Variants in CSMD1 observed in about 807,000 individuals in gnomAD.
The protein encoded by CSMD1 is CUB and Sushi multiple domains 1.
A neutral mutation model predicts 417.5 loss-of-function variants in CSMD1; 213 were observed. The ratio of observed to expected loss-of-function variants is 0.51; its 90% confidence interval spans 0.46 to 0.57. CSMD1 has a LOEUF of 0.57. Among genes scored for constraint, CSMD1 ranks in the 20% least tolerant of loss-of-function variants. The probability of loss-of-function intolerance (pLI) is 0.00; values close to 1 mark genes in which losing one functional copy is unlikely to be tolerated. For synonymous variants in CSMD1, 2,862 were observed against 1,736.8 expected, an observed-to-expected ratio of 1.65 and a Z score of -16.11; for missense variants, 6,923 against 4,529.7, an observed-to-expected ratio of 1.53 and a Z score of -15.17.
chr8:4,206,934 C>G (rs1056820373), intron 3 of CSMD1, among the ~76,000 whole-genome samples: 5 of 152,096 alleles, frequency 3.3e-5, no homozygotes, highest in Non-Finnish European at 5.9e-5. Flanking sequence ...TTGCCCTCCT[C>G]TTTGAATGGA....
intron 1 of CSMD1, among the ~76,000 whole-genome samples, chr8:4,703,705 A>T (rs1807732770): frequency 6.6e-6 from 1 of 152,184 alleles, no homozygotes. Context: ...ACCTTGAATT[A>T]AAAGATTTTC....
intron 57 of CSMD1, among the ~76,000 whole-genome samples, chr8:2,972,330 T>G (rs987671645): frequency 6.6e-6 from 1 of 152,230 alleles, no homozygotes; most frequent in Non-Finnish European, 1.5e-5. Context: ...GGTTGGAAAG[T>G]GTTTCATACA....
intron 2 of CSMD1, among the ~76,000 whole-genome samples, chr8:4,484,980 C>CAAAAAAAAAAAAAAAAAAAAAAAA (rs57398278): frequency 7.4e-5 from 4 of 53,940 alleles, no homozygotes; most frequent in East Asian, 7.9e-4. Flanking sequence ...GACTCTGCCT[C>CAAAAAAAAAAAAAAAAAAAAAAAA]AAAAAAAAAA....
At chr8:4,456,147 CAG>C (rs1289700386) in intron 2 of CSMD1, among the ~76,000 whole-genome samples, 1 of 148,436 alleles carries the variant, frequency 6.7e-6, no homozygotes, top group African/African-American at 2.5e-5. Flanking sequence ...AGAGGGTTAA[CAG>C]AGAGTGGTCC....
At chr8:4,761,755 G>T (rs751053017) in intron 1 of CSMD1, among the ~76,000 whole-genome samples, 2 of 151,964 alleles carry the variant, frequency 1.3e-5, no homozygotes, top group Non-Finnish European at 2.9e-5. Flanking sequence ...TTTAACTACT[G>T]AGCATGTAAC....
At chr8:3,667,525 G>C (rs914522492) in intron 7 of CSMD1, among the ~76,000 whole-genome samples, 1 of 152,100 alleles carries the variant, frequency 6.6e-6, no homozygotes, top group African/African-American at 2.4e-5. Flanking sequence ...GGGAGCTGTT[G>C]GGATGAGGTC....
intron 3 of CSMD1, among the ~76,000 whole-genome samples, chr8:4,219,674 T>A (rs571977916): frequency 6.6e-6 from 1 of 152,348 alleles, no homozygotes; most frequent in African/African-American, 2.4e-5. Flanking sequence ...ATTTGGATAA[T>A]ACTGCTACAC....
At chr8:3,004,401 G>C (rs1432287129) in intron 52 of CSMD1, among the ~76,000 whole-genome samples, 7 of 152,140 alleles carry the variant, frequency 4.6e-5, no homozygotes, top group African/African-American at 1.4e-4. Context: ...TTAAAGTGTG[G>C]AAGGAAAACC....
intron 11 of CSMD1, among the ~76,000 whole-genome samples, chr8:3,474,591 T>C (rs1817301317): frequency 6.6e-6 from 1 of 152,198 alleles, no homozygotes; most frequent in South Asian, 2.1e-4. Context: ...ATGCAGAAGT[T>C]TGGTCTTGCT....
intron 5 of CSMD1, among the ~76,000 whole-genome samples, chr8:3,932,012 A>G (rs992969467): frequency 6.7e-6 from 1 of 149,870 alleles, no homozygotes; most frequent in Non-Finnish European, 1.5e-5. Context: ...GGAAAGGAGA[A>G]AACAATAATT....
chr8:4,420,098 A>G (rs550148254), intron 2 of CSMD1, 33 bp from the exon 3 acceptor site: 2 of 1,465,290 alleles, frequency 1.4e-6, no homozygotes, highest in Non-Finnish European at 1.9e-6. Context: ...AAAGAGAGTT[A>G]AAAGCATGAA....
At chr8:3,438,173 A>T (rs529837793) in intron 12 of CSMD1, among the ~76,000 whole-genome samples, 122 of 152,298 alleles carry the variant, frequency 8.0e-4, no homozygotes, top group Admixed American at 2.0e-3. Context: ...TTTTTAACAA[A>T]TTTTTGAATT....
At chr8:4,516,205 AC>A (rs1803113683) in intron 2 of CSMD1, among the ~76,000 whole-genome samples, 1 of 152,148 alleles carries the variant, frequency 6.6e-6, no homozygotes, top group African/African-American at 2.4e-5. Flanking sequence ...GAACCCAGAC[AC>A]ACACAGAGGG....
intron 12 of CSMD1, among the ~76,000 whole-genome samples, chr8:3,421,420 G>T (rs1390861875): frequency 6.6e-6 from 1 of 152,174 alleles, no homozygotes; most frequent in Non-Finnish European, 1.5e-5. Context: ...ACAATCCCAG[G>T]TTGTGATTAA....
At chr8:3,587,923 T>C (rs1022252343) in intron 8 of CSMD1, among the ~76,000 whole-genome samples, 3 of 152,238 alleles carry the variant, frequency 2.0e-5, no homozygotes, top group African/African-American at 7.2e-5. Flanking sequence ...TATGTACTAA[T>C]TTGAAATGTG....
chr8:3,031,987 T>C (rs1477464346), intron 50 of CSMD1, among the ~76,000 whole-genome samples: 1 of 150,800 alleles, frequency 6.6e-6, no homozygotes, highest in Non-Finnish European at 1.5e-5. Context: ...TATATATATA[T>C]ATACACATAA....
chr8:4,189,484 T>C (rs1325018576), intron 3 of CSMD1, among the ~76,000 whole-genome samples: 1 of 152,202 alleles, frequency 6.6e-6, no homozygotes, highest in Non-Finnish European at 1.5e-5. Flanking sequence ...ATTTTTCCGC[T>C]AGACAGAGAG....
chr8:3,005,459 AAC>A (rs1554486602), intron 52 of CSMD1, among the ~76,000 whole-genome samples: 11 of 152,124 alleles, frequency 7.2e-5, no homozygotes. Context: ...GCTGGGCAGA[AAC>A]ACAACCAAAA....
At chr8:3,194,658 TG>T (rs1318392173) in intron 33 of CSMD1, among the ~76,000 whole-genome samples, 1 of 150,568 alleles carries the variant, frequency 6.6e-6, no homozygotes, top group Non-Finnish European at 1.5e-5. Flanking sequence ...TTAGTAGAGA[TG>T]GGATTTCGCC....
Sources: allele counts gnomAD v4.1 joint callset (sites outside exome capture counted in the v4.1 genomes callset), GRCh38; gene constraint gnomAD v4.1.1; transcripts MANE v1.5; gene names NCBI Gene and HGNC (gene_info 2026-07-23, HGNC 2026-07-21).